CTPS2: variants seen among roughly 807,000 people sequenced by gnomAD.
CTPS2 encodes the protein CTP synthase 2, also known as CTP synthase II.
In CTPS2, 19 loss-of-function variants were observed where a neutral mutation model predicts 46.8. That is an observed-to-expected ratio of 0.41 (90% confidence interval 0.28 to 0.60). The LOEUF (loss-of-function observed/expected upper bound fraction) is 0.60, where lower values mean the gene tolerates loss of function less well. Ranked by LOEUF, CTPS2 falls within the 20% of genes least tolerant of loss-of-function variation. The probability of loss-of-function intolerance (pLI) is 0.35; values close to 1 mark genes in which losing one functional copy is unlikely to be tolerated. For synonymous variants in CTPS2, 151 were observed against 165.2 expected (o/e 0.91, Z 0.66); for missense variants, 286 against 447.6 (o/e 0.64, Z 3.26).
At chrX:16,591,605 A>G (rs1213734752) in intron 17 of CTPS2, among the ~76,000 whole-genome samples, 2 of 111,185 alleles carry the variant, frequency 1.8e-5, no homozygotes, top group Non-Finnish European at 3.8e-5. Flanking sequence ...TCAACCCCTG[A>G]CCTAGACTAT....
chrX:16,651,443 C>T (rs1444894901), intron 13 of CTPS2, among the ~76,000 whole-genome samples: 1 of 111,669 alleles, frequency 9.0e-6, no homozygotes, highest in African/African-American at 3.3e-5. Context: ...CCCAATAAGG[C>T]CTTCAGCATG....
In CTPS2 at chrX:16,669,899, G is replaced by A. The variant is rs776605200; in HGVS notation, c.1189+681C>T. Among the ~76,000 whole-genome samples, 40 of 110,350 alleles carry A rather than the reference G, an allele frequency of 3.6e-4. 1 individual carries two copies. The highest frequency in any genetic ancestry group is 2.0e-3 in the Admixed American group (21 of 10,252). ...CTCTGGTTTCCCTGGTACAGAAGCC[G>A]TACTTCGCAATTTGAAAAAAAAGCA... On this transcript the variant is annotated intron_variant, in intron 11 of 18. Transcript: ENST00000359276.
chrX:16,611,415 C>T (rs1200706849), intron 16 of CTPS2, among the ~76,000 whole-genome samples: 2 of 109,423 alleles, frequency 1.8e-5, no homozygotes, highest in African/African-American at 3.3e-5. Context: ...AATACCACTG[C>T]ACTCCAGCCT....
At chrX:16,675,486 G>C (rs1186155985) in intron 10 of CTPS2, among the ~76,000 whole-genome samples, 1 of 111,476 alleles carries the variant, frequency 9.0e-6, no homozygotes, top group Non-Finnish European at 1.9e-5. Flanking sequence ...GGCTTTCTTT[G>C]GGCTGTATTT....
intron 10 of CTPS2, among the ~76,000 whole-genome samples, chrX:16,672,693 G>A (rs1029278393): frequency 4.5e-5 from 5 of 110,708 alleles, no homozygotes; most frequent in Non-Finnish European, 9.4e-5. Flanking sequence ...GCAGCCAGCC[G>A]GGTCACTAGG....
intron 13 of CTPS2, among the ~76,000 whole-genome samples, chrX:16,642,041 T>G (rs1350691641): frequency 1.8e-5 from 2 of 112,285 alleles, no homozygotes; most frequent in African/African-American, 6.5e-5. Flanking sequence ...GAGTGAGGAT[T>G]AATGACTTTG....
chrX:16,592,429 T>C (rs1237830974), intron 17 of CTPS2, among the ~76,000 whole-genome samples: 2 of 112,210 alleles, frequency 1.8e-5, no homozygotes, highest in Non-Finnish European at 3.8e-5. Context: ...CGAAATGCTG[T>C]AATTCTTTTC....
At chrX:16,649,118 A>G (rs1176375649) in intron 13 of CTPS2, among the ~76,000 whole-genome samples, 1 of 112,513 alleles carries the variant, frequency 8.9e-6, no homozygotes, top group African/African-American at 3.2e-5. Flanking sequence ...GCAATTTTAA[A>G]TCATGGCAGT....
At chrX:16,679,114 T>C (rs971006695) in intron 9 of CTPS2, among the ~76,000 whole-genome samples, 2 of 110,921 alleles carry the variant, frequency 1.8e-5, no homozygotes, top group African/African-American at 6.6e-5. Context: ...TCCCAGCACT[T>C]TGGGAGGCCG....
chrX:16,593,969 A>G (rs185381625), intron 17 of CTPS2, among the ~76,000 whole-genome samples: 9 of 111,338 alleles, frequency 8.1e-5, no homozygotes. Context: ...TCCTCGTTCT[A>G]TGCAACATTT....
chrX:16,595,424 A>C (rs1929185460), intron 17 of CTPS2, among the ~76,000 whole-genome samples: 1 of 110,445 alleles, frequency 9.1e-6, no homozygotes, highest in African/African-American at 3.3e-5. Context: ...CTCCTGTCTC[A>C]GCCTCCTGAG....
chrX:16,606,381 T>A (rs937426751), intron 17 of CTPS2, among the ~76,000 whole-genome samples: 19 of 111,839 alleles, frequency 1.7e-4, no homozygotes, highest in African/African-American at 6.2e-4. Context: ...GGAGTTGAAG[T>A]GCAAGGTTCC....
chrX:16,669,000 A>G (rs1921481891), intron 11 of CTPS2, among the ~76,000 whole-genome samples: 1 of 111,443 alleles, frequency 9.0e-6, no homozygotes, highest in Admixed American at 9.6e-5. Flanking sequence ...TCACAGCCAT[A>G]AACACAGGCT....
At position 16,693,470 on chromosome X, in the gene CTPS2, T is replaced by A. The variant is rs775603416; in HGVS notation, c.456A>T (p.Gly152=). Residue 152 remains glycine, a synonymous_variant, in exon 5 of 19, where the codon GGA becomes GGT. Coordinates refer to ENST00000359276, the MANE Select transcript of CTPS2 (RefSeq NM_175859.3). ...CCACAAACGGCATTCCTTCGATGTC[T>A]CCAATGGTGCCTCCCAGCTGGGAAT... The part of the protein sequence containing the change: ...ICVIELGGTI[G]DIEGMPFVEA... The A allele has an allele frequency of 2.1e-5, 25 of 1,194,952 alleles. No homozygotes were observed. The highest frequency in any genetic ancestry group is 2.7e-5 in the Non-Finnish European group (24 of 884,243).
intron 14 of CTPS2, among the ~76,000 whole-genome samples, chrX:16,631,477 C>A (rs1931466633): frequency 8.9e-6 from 1 of 111,849 alleles, no homozygotes; most frequent in Admixed American, 9.5e-5. Context: ...TACGATCACA[C>A]CACTGCCCTT....
At chrX:16,698,891 C>T (rs1177405780) in intron 3 of CTPS2, 32 bp downstream of exon 3, 1 of 1,164,548 alleles carries the variant, frequency 8.6e-7, no homozygotes. Flanking sequence ...ATTCAGCACA[C>T]AGGGCTCCAT....
At chrX:16,651,318 A>C (rs771797006) in intron 13 of CTPS2, among the ~76,000 whole-genome samples, 12 of 111,318 alleles carry the variant, frequency 1.1e-4, no homozygotes, top group Non-Finnish European at 1.7e-4. Flanking sequence ...TCAGAAAACA[A>C]GGGCCAAGCC....
chrX:16,680,498 T>G (rs1434703719), intron 9 of CTPS2, among the ~76,000 whole-genome samples: 1 of 97,862 alleles, frequency 1.0e-5, no homozygotes, highest in Non-Finnish European at 2.0e-5. Context: ...GAGGTTGCAG[T>G]GAGCCAAGAT....
chrX:16,640,912 AAC>A (rs1293041157), intron 13 of CTPS2, among the ~76,000 whole-genome samples: 9 of 111,960 alleles, frequency 8.0e-5, no homozygotes, highest in Non-Finnish European at 1.1e-4. Context: ...GAGCCATCTG[AAC>A]ACAGTGTCCC....
Sources: allele counts gnomAD v4.1 joint callset (sites outside exome capture counted in the v4.1 genomes callset), GRCh38; gene constraint gnomAD v4.1.1; transcripts MANE v1.5; gene names NCBI Gene and HGNC (gene_info 2026-07-23, HGNC 2026-07-21).